The following SH3TC2 variants were observed in gnomAD, a reference collection of about 807,000 sequenced individuals.
SH3TC2 encodes SH3 domain and tetratricopeptide repeat-containing protein 2.
SH3TC2 carries 87 observed loss-of-function variants against 124.5 expected under a neutral mutation model. That is an observed-to-expected ratio of 0.70 (90% CI 0.59 to 0.84). The LOEUF (loss-of-function observed/expected upper bound fraction) is 0.84. Among genes scored for constraint, SH3TC2 ranks in the 40% least tolerant of loss-of-function variants. The pLI, the probability that SH3TC2 is intolerant of heterozygous loss-of-function variation, is 0.00. For missense variants in SH3TC2, 1,536 were observed against 1,566.4 expected (o/e 0.98, Z 0.33); for synonymous variants, 634 against 628.5 (o/e 1.01, Z -0.13).
In SH3TC2 at chr5:148,993,205, G is replaced by A. The variant is rs886060131; in HGVS notation, c.*11506C>T. ...ATGTGTTAATGAGCAAACATTCACAGGGGAATCAAATTATCCCAATAAAAT... is the reference window on the plus strand; with the variant it reads ...ATGTGTTAATGAGCAAACATTCACAAGGGAATCAAATTATCCCAATAAAAT... On this transcript the variant is annotated 3_prime_UTR_variant, in exon 17 of 17. Transcript: ENST00000515425. Among the ~76,000 whole-genome samples, 1 of 152,120 alleles carries A rather than the reference G, an allele frequency of 6.6e-6. No homozygotes were observed. The highest frequency in any genetic ancestry group is 2.1e-4 in the South Asian group (1 of 4,824).
At chr5:149,039,507 T>C (rs1257402704) in intron 7 of SH3TC2, among the ~76,000 whole-genome samples, 1 of 152,194 alleles carries the variant, frequency 6.6e-6, no homozygotes, top group African/African-American at 2.4e-5. Flanking sequence ...TTTTCTGACA[T>C]TTTTGGTCAA....
chr5:149,031,416 C>A, intron 9 of SH3TC2, 138 bp downstream of exon 9: 1 of 1,110,376 alleles, frequency 9.0e-7, no homozygotes, highest in Non-Finnish European at 1.4e-6. Flanking sequence ...TGATTCAGGT[C>A]GTCAACAGAA....
Position 148,988,234 on chromosome 5 carries a change from T to C in SH3TC2, c.*16477A>G, listed in dbSNP as rs141538396. Among the ~76,000 whole-genome samples the C allele has an allele frequency of 1.3e-5, 2 of 152,178 alleles. No individual in the cohort carries two copies. Among genetic ancestry groups the C allele is most frequent in the Non-Finnish European group, 2.9e-5 (2 of 68,040 alleles). On this transcript the variant is annotated 3_prime_UTR_variant, in exon 17 of 17. Coordinates refer to ENST00000515425, the MANE Select transcript of SH3TC2 (RefSeq NM_024577.4). ...CAAAGCATCTTTACTCCTTCTCCCATGGACATGAAAATCATTATCAAAAAT... is the reference window on the plus strand; with the variant it reads ...CAAAGCATCTTTACTCCTTCTCCCACGGACATGAAAATCATTATCAAAAAT...
chr5:149,027,785 G>A lies in SH3TC2; in HGVS notation c.1947C>T (p.His649=), dbSNP rs576049662. 2.5e-5 allele frequency: 41 copies of A among 1,613,928 alleles called. No homozygotes were observed. Among genetic ancestry groups the A allele is most frequent in the South Asian group, 5.5e-5 (5 of 91,076 alleles). ...AIRLLLSLGR[H]EEVLPFAERL... ...GCTCGGCAAAGGGCAGGACCTCCTC[G>A]TGCCGGCCTAGGCTCAGGAGCAAGC... Residue 649 remains histidine, a synonymous_variant, in exon 11 of 17, where the codon CAC becomes CAT. Coordinates refer to ENST00000515425, the MANE Select transcript of SH3TC2 (RefSeq NM_024577.4).
At position 149,003,849 on chromosome 5, in the gene SH3TC2, C is replaced by CAAAAAA. The variant is rs5872107; in HGVS notation, c.*856_*861dup. The CAAAAAA allele has an allele frequency of 1.1e-4, 19 of 171,848 alleles. No individual in the cohort carries two copies. The highest frequency in any genetic ancestry group is 3.4e-4 in the South Asian group (8 of 23,378). The allele number at this position is 171,848 out of a possible 1,614,324, so 10.6% of individuals were successfully genotyped here. On this transcript the variant is annotated 3_prime_UTR_variant, in exon 17 of 17. Coordinates refer to ENST00000515425, the MANE Select transcript of SH3TC2 (RefSeq NM_024577.4). ...CTGGGCAACAGAGGAGAAACTGTCT[C>CAAAAAA]AAAAAAAAAAAAAAAAAAAAAAGAC... is the stretch of plus-strand genomic sequence containing the variant.
At chr5:149,011,168 G>A (rs1753776989) in intron 13 of SH3TC2, among the ~76,000 whole-genome samples, 1 of 152,222 alleles carries the variant, frequency 6.6e-6, no homozygotes. Context: ...AATTGACCCT[G>A]CACAACATCA....
At chr5:149,007,118 A>G (rs759745202) in intron 15 of SH3TC2, 41 bp from the exon 16 acceptor site, 5 of 1,586,118 alleles carry the variant, frequency 3.2e-6, no homozygotes, top group South Asian at 1.1e-5. Flanking sequence ...TGCAACCAAC[A>G]CTTTGCATCA....
intron 3 of SH3TC2, chr5:149,046,212 C>A (rs1754461691): frequency 6.4e-6 from 1 of 156,528 alleles, no homozygotes; most frequent in African/African-American, 2.4e-5. Context: ...TTCTGCCATA[C>A]CAAACCCCAG....
At chr5:149,051,912 G>A (rs556324871) in intron 2 of SH3TC2, among the ~76,000 whole-genome samples, 14 of 152,198 alleles carry the variant, frequency 9.2e-5, no homozygotes, top group Non-Finnish European at 1.6e-4. Context: ...TAAGTATGGA[G>A]CTCCTAATAA....
In SH3TC2 at chr5:149,063,023, G is replaced by T. The variant is rs1173361387; in HGVS notation, c.-1C>A. 1.2e-6 allele frequency: 2 copies of T among 1,600,284 alleles called. No homozygotes were observed. The highest frequency in any genetic ancestry group is 8.5e-7 in the Non-Finnish European group (1 of 1,173,018). ...TGGGGATGCAGAAGCAGCCACCCAT[G>T]TGTGTACCATCCTACCCTGGCCGAG... On this transcript the variant is annotated 5_prime_UTR_variant, in exon 1 of 17. Transcript: ENST00000515425.
intron 7 of SH3TC2, among the ~76,000 whole-genome samples, chr5:149,038,741 A>G (rs1334290500): frequency 6.6e-6 from 1 of 152,256 alleles, no homozygotes; most frequent in Non-Finnish European, 1.5e-5. Context: ...GTTTTAACAA[A>G]CACAAAAAAA....
chr5:148,996,911 G>A lies in SH3TC2; in HGVS notation c.*7800C>T, dbSNP rs1289335009. On this transcript the variant is annotated 3_prime_UTR_variant, in exon 17 of 17. Transcript: ENST00000515425. ...TCCTTTTCATAGATAACAGTAAAAT[G>A]TGTGACCCTAAATAAAAATACAGTA... Among the ~76,000 whole-genome samples, 1 of 152,162 alleles carries A rather than the reference G, an allele frequency of 6.6e-6. No homozygotes were observed. The highest frequency in any genetic ancestry group is 1.5e-5 in the Non-Finnish European group (1 of 68,024).
At chr5:149,032,785 AT>A (rs1754218778) in intron 8 of SH3TC2, among the ~76,000 whole-genome samples, 1 of 152,112 alleles carries the variant, frequency 6.6e-6, no homozygotes, top group African/African-American at 2.4e-5. Flanking sequence ...AGCCATTACC[AT>A]TTGTCCCCAT....
At chr5:149,044,484 G>T (rs1754424400) in intron 4 of SH3TC2, 49 bp downstream of exon 4, 5 of 1,431,682 alleles carry the variant, frequency 3.5e-6, no homozygotes, top group African/African-American at 1.4e-5. Context: ...CTACAAATTG[G>T]CTAAATTGTG....
chr5:149,044,687 T>A, intron 3 of SH3TC2, 49 bp from the exon 4 acceptor site: 1 of 1,426,916 alleles, frequency 7.0e-7, no homozygotes, highest in Non-Finnish European at 9.9e-7. Flanking sequence ...AAGTGTCCCA[T>A]TAGCAAGCTC....
rs375622236 is a variant in SH3TC2, at chr5:149,028,721, A to T, written c.1136-3T>A. 6.2e-7 allele frequency: 1 copy of T among 1,613,958 alleles called. No homozygotes were observed. Among genetic ancestry groups the T allele is most frequent in the Admixed American group, 1.7e-5 (1 of 60,000 alleles). On this transcript the variant is annotated splice_region_variant and splice_polypyrimidine_tract_variant and intron_variant, in intron 9 of 16. Transcript: ENST00000515425. ...ATTCTGGATGGATTCAAACCCACCT[A>T]AGTAGAGATGAAGAACAGGTCTGGT...
At position 149,026,646 on chromosome 5, in the gene SH3TC2, T is replaced by C. The variant is rs775155346; in HGVS notation, c.2979A>G (p.Gln993=). 6.2e-7 allele frequency: 1 copy of C among 1,614,184 alleles called. No individual in the cohort carries two copies. The highest frequency in any genetic ancestry group is 8.5e-7 in the Non-Finnish European group (1 of 1,180,028). The change falls in exon 12 of 17, where the codon CAA becomes CAG. Residue 993 remains glutamine, a synonymous_variant. Coordinates refer to ENST00000515425, the MANE Select transcript of SH3TC2 (RefSeq NM_024577.4). The stretch of plus-strand genomic sequence containing the variant: ...TCCCTTCCATCTCCCGGTCCCTGAG[T>C]TGCTGAGCCAGGGCCAGCCAGTGCT... ...YHEHWLALAQ[Q]LRDREMEGRL...
In SH3TC2 at chr5:149,026,986, C is replaced by T. The variant is rs1754076386; in HGVS notation, c.2746G>A (p.Asp916Asn). The T allele has an allele frequency of 6.2e-7, 1 of 1,614,044 alleles. No homozygotes were observed. The highest frequency in any genetic ancestry group is 8.5e-7 in the Non-Finnish European group (1 of 1,180,044). ...YCELQASKET[D>N]MELVQVFLWL... ...AGAAACACCTGTACTAATTCCATGT[C>T]TGTCTCCTTACTGGCCTGAAGTTCA... Residue 916 changes from aspartate to asparagine, a missense_variant, in exon 11 of 17, where the codon GAC becomes AAC. This residue lies in a region of SH3TC2 where 8 missense variants were observed against 24.3 expected (regional missense o/e 0.33). Coordinates refer to ENST00000515425, the MANE Select transcript of SH3TC2 (RefSeq NM_024577.4).
chr5:149,014,525 G>A (rs551649223), intron 12 of SH3TC2, among the ~76,000 whole-genome samples: 1 of 152,310 alleles, frequency 6.6e-6, no homozygotes, highest in South Asian at 2.1e-4. Flanking sequence ...TTGGCAATGA[G>A]GCAGCTGTTG....
Sources: gnomAD v4.1 joint callset for allele counts (sites outside exome capture counted in the v4.1 genomes callset) on GRCh38, gnomAD v4.1.1 for gene constraint, gnomAD v4.1.1 regional missense constraint, MANE v1.5 for transcripts, NCBI Gene and HGNC (gene_info 2026-07-23, HGNC 2026-07-21) for gene names.